The following TECTA variants were observed in gnomAD, a reference collection of about 807,000 sequenced individuals.
TECTA encodes alpha-tectorin.
A neutral mutation model predicts 216.8 loss-of-function variants in TECTA; 128 were observed. The observed-to-expected ratio is 0.59, with a 90% CI of 0.51 to 0.68. The LOEUF (loss-of-function observed/expected upper bound fraction) is 0.68, where lower values mean the gene tolerates loss of function less well. Ranked by LOEUF, TECTA falls within the 30% of genes least tolerant of loss-of-function variation. The pLI, the probability that TECTA is intolerant of heterozygous loss-of-function variation, is 0.00. For missense variants in TECTA, 2,551 were observed against 2,786.2 expected (o/e 0.92, Z 1.90); for synonymous variants, 1,089 against 1,117.1 (o/e 0.97, Z 0.50).
chr11:121,116,637 C>G (rs780915582), intron 6 of TECTA, among the ~76,000 whole-genome samples: 9 of 152,214 alleles, frequency 5.9e-5, no homozygotes, highest in Admixed American at 2.6e-4. Context: ...ATATATCAAT[C>G]TAATGAGACT....
intron 11 of TECTA, among the ~76,000 whole-genome samples, chr11:121,138,643 C>G (rs1332424678): frequency 2.6e-5 from 4 of 152,194 alleles, no homozygotes; most frequent in Non-Finnish European, 5.9e-5. Flanking sequence ...AGCTTCCCAC[C>G]CTTTTCACCC....
intron 20 of TECTA, among the ~76,000 whole-genome samples, chr11:121,172,581 T>C (rs1441394617): frequency 3.9e-5 from 6 of 152,138 alleles, no homozygotes; most frequent in Non-Finnish European, 7.4e-5. Context: ...CTTAATCCAG[T>C]CTATCATTGT....
At position 121,130,094 on chromosome 11, in the gene TECTA, C is replaced by G. The variant is rs146611460; in HGVS notation, c.2824C>G (p.Arg942Gly). 6.2e-7 allele frequency: 1 copy of G among 1,613,792 alleles called. No homozygotes were observed. Residue 942 changes from arginine (R) to glycine (G), a missense_variant, in exon 10 of 24, where the codon CGC (arginine) becomes GGC (glycine). Physicochemically the swap from Arg to Gly is moderately radical, Grantham distance 125 (BLOSUM62 -2). Coordinates refer to ENST00000392793, the MANE Select transcript of TECTA (RefSeq NM_005422.4). ...TGCCTATTACCGCACCTGCCTTTTC[C>G]GCCTGTGCCAGAGTGGGGGCAATGA... ...VTAYYRTCLF[R>G]LCQSGGNESE...
rs540877365 is a variant in TECTA, at chr11:121,104,525, G to A, written c.65-1306G>A. On this transcript the variant is annotated intron_variant, in intron 2 of 23. Coordinates refer to ENST00000392793, the MANE Select transcript of TECTA (RefSeq NM_005422.4). ...GGAAAGAAATTAGCCCTCCGTTGAG[G>A]CATAACTCCTCTTGCTCCCTGCTTC... Among the ~76,000 whole-genome samples the A allele has an allele frequency of 7.2e-5, 11 of 152,220 alleles. No individual in the cohort carries two copies. The South Asian group carries it at 1.0e-3, about 14-fold the overall frequency.
rs141203939 is a variant in TECTA, at chr11:121,190,740, G to A, written c.6402G>A (p.Thr2134=). ...SNSSMELQVW[T]LLLIMIQISL... is the part of the protein sequence containing the mutation. ...CTTCAATGGAACTTCAAGTCTGGAC[G>A]CTTCTTCTCATCATGATCCAGATTT... Residue 2134 remains threonine (T), a synonymous_variant, in exon 24 of 24, where the codon ACG becomes ACA. Transcript: ENST00000392793. 263 of 1,613,698 alleles carry A rather than the reference G, an allele frequency of 1.6e-4. No individual in the cohort carries two copies. The highest frequency in any genetic ancestry group is 3.5e-4 in the African/African-American group (26 of 74,868).
chr11:121,184,579 G>C (rs115404732), intron 20 of TECTA, among the ~76,000 whole-genome samples: 3,256 of 152,162 alleles, frequency 0.021, 115 homozygotes, highest in African/African-American at 0.075. Context: ...GAGAAGAAGG[G>C]TGTGGTTCTG....
At position 121,127,873 on chromosome 11, in the gene TECTA, G is replaced by A; in HGVS notation, c.1896G>A (p.Glu632=). Residue 632 remains glutamate (E), a synonymous_variant, in exon 9 of 24, where the codon GAG becomes GAA. Coordinates refer to ENST00000392793, the MANE Select transcript of TECTA (RefSeq NM_005422.4). This position sits in a 1 kb window ranked among gnomAD's most constrained non-coding sequence, Gnocchi z 5.0. ...NCATPCTEGC[E]CNQGFVLSTS... ...CCACGCCGTGCACAGAGGGCTGCGA[G>A]TGCAACCAGGGCTTCGTCCTCAGCA... The A allele has an allele frequency of 6.2e-7, 1 of 1,614,086 alleles. No individual in the cohort carries two copies. Among genetic ancestry groups the A allele is most frequent in the South Asian group, 1.1e-5 (1 of 91,078 alleles).
rs201271587 is a variant in TECTA at position 121,129,790 on chromosome 11, A to G, written c.2520A>G (p.Thr840=). ...IGLLYIRLST[T]YFNCTGGLCG... ...TATTGTACATCCGGCTGTCCACCAC[A>G]TACTTCAATTGCACAGGGGGCTTGT... The change falls in exon 10 of 24, where the codon ACA becomes ACG. Residue 840 remains threonine, a synonymous_variant. Coordinates refer to ENST00000392793, the MANE Select transcript of TECTA (RefSeq NM_005422.4). The G allele has an allele frequency of 3.7e-6, 6 of 1,614,224 alleles. No individual in the cohort carries two copies. Among genetic ancestry groups the G allele is most frequent in the Non-Finnish European group, 5.1e-6 (6 of 1,180,042 alleles).
At chr11:121,170,474 C>A (rs1947100629) in intron 20 of TECTA, among the ~76,000 whole-genome samples, 1 of 151,674 alleles carries the variant, frequency 6.6e-6, no homozygotes, top group African/African-American at 2.4e-5. Flanking sequence ...TTTTGTTTTG[C>A]ATGTGTGTGT....
In TECTA at chr11:121,161,499, T is replaced by C. The variant is rs537185727; in HGVS notation, c.4977-576T>C. Reference sequence around the variant, plus strand: ...TTCCTCCTGAGGAATTATGATTCTGTTTGGATTTGGCCGGCCTGCCTCCCT... The same window carrying C: ...TTCCTCCTGAGGAATTATGATTCTGCTTGGATTTGGCCGGCCTGCCTCCCT... On this transcript the variant is annotated intron_variant, in intron 15 of 23. Coordinates refer to ENST00000392793, the MANE Select transcript of TECTA (RefSeq NM_005422.4). Among the ~76,000 whole-genome samples, 13 of 123,586 alleles carry C rather than the reference T, an allele frequency of 1.1e-4. No homozygotes were observed. In the South Asian group the frequency reaches 3.6e-3, roughly 34 times the overall value. The allele number at this position is 123,586 out of a possible 152,430, so 81.1% of individuals were successfully genotyped here.
rs1274455171 is a variant in TECTA at position 121,125,608 on chromosome 11, G to A, written c.1510G>A (p.Val504Ile). Residue 504 changes from valine (V) to isoleucine (I), a missense_variant, in exon 8 of 24, where the codon GTC becomes ATC. This residue lies in a region of TECTA where 2,375 missense variants were observed against 2,563.9 expected (regional missense o/e 0.93). Coordinates refer to ENST00000392793, the MANE Select transcript of TECTA (RefSeq NM_005422.4). Reference sequence around the variant, plus strand: ...AGACTGGAAGTGCGACTCCGGCTGCGTCGACAACTGCACCCAGTGCGACGC... The same window carrying A: ...AGACTGGAAGTGCGACTCCGGCTGCATCGACAACTGCACCCAGTGCGACGC... ...HADWKCDSGC[V>I]DNCTQCDAAT... 9 of 1,613,710 alleles carry A rather than the reference G, an allele frequency of 5.6e-6. No homozygotes were observed. Among genetic ancestry groups the A allele is most frequent in the Middle Eastern group, 1.6e-4 (1 of 6,084 alleles).
At chr11:121,129,617 A>G (rs759528350) in intron 9 of TECTA, 21 bp from the exon 10 acceptor site, 8 of 1,612,840 alleles carry the variant, frequency 5.0e-6, no homozygotes, top group Non-Finnish European at 6.8e-6. Flanking sequence ...TGGAATTGAT[A>G]AGAATGACTT....
chr11:121,144,075 A>T (rs1056683462), intron 11 of TECTA, among the ~76,000 whole-genome samples: 1 of 152,124 alleles, frequency 6.6e-6, no homozygotes, highest in Non-Finnish European at 1.5e-5. Context: ...CATCCTTCAC[A>T]CTCACGGCAC....
At chr11:121,187,592 T>C (rs1460943357) in intron 20 of TECTA, among the ~76,000 whole-genome samples, 2 of 152,218 alleles carry the variant, frequency 1.3e-5, no homozygotes, top group African/African-American at 2.4e-5. Context: ...GTTTTGTTTT[T>C]AGTTGCAGTT....
intron 11 of TECTA, among the ~76,000 whole-genome samples, chr11:121,145,185 C>T (rs1023023731): frequency 1.3e-5 from 2 of 152,118 alleles, no homozygotes; most frequent in African/African-American, 4.8e-5. Flanking sequence ...AAAATAAATT[C>T]CATGGTAGAG....
rs993003007 is a variant in TECTA, at chr11:121,113,361, T to C, written c.624+152T>C. 6.7e-6 allele frequency: 10 copies of C among 1,488,314 alleles called. No homozygotes were observed. In the African/African-American group the frequency reaches 1.4e-4, roughly 21 times the overall value. The allele number at this position is 1,488,314 out of a possible 1,614,324, so 92.2% of individuals were successfully genotyped here. A position where few individuals can be genotyped will look rare whatever the true frequency, so the allele number is the denominator to read the frequency against. On this transcript the variant is annotated intron_variant, in intron 5 of 23. Coordinates refer to ENST00000392793, the MANE Select transcript of TECTA (RefSeq NM_005422.4). This position sits in a 1 kb window ranked among gnomAD's most constrained non-coding sequence, Gnocchi z 4.2. ...TGGACTACGAGGCTAGTCCTGCCCA[T>C]GTTTGGCACCCTGACTCGGCTATGA...
At chr11:121,179,947 ATT>A (rs947349131) in intron 20 of TECTA, among the ~76,000 whole-genome samples, 3 of 137,812 alleles carry the variant, frequency 2.2e-5, no homozygotes, top group Admixed American at 2.2e-4. Context: ...GGCAGCATAT[ATT>A]TGAGTTTTTT....
At chr11:121,144,081 G>A (rs190991086) in intron 11 of TECTA, among the ~76,000 whole-genome samples, 32 of 152,266 alleles carry the variant, frequency 2.1e-4, no homozygotes, top group Non-Finnish European at 2.9e-4. Flanking sequence ...TCACACTCAC[G>A]GCACAGGAAA....
chr11:121,119,987 A>G (rs1217474823), intron 7 of TECTA, among the ~76,000 whole-genome samples: 1 of 152,244 alleles, frequency 6.6e-6, no homozygotes, highest in Non-Finnish European at 1.5e-5. Context: ...GTTGAGCACT[A>G]TACTTATCCT....
Sources: gnomAD v4.1 joint callset for allele counts (sites outside exome capture counted in the v4.1 genomes callset) on GRCh38, gnomAD v4.1.1 for gene constraint, gnomAD v4.1.1 regional missense constraint, Gnocchi (gnomAD v3.1) non-coding constraint, MANE v1.5 for transcripts, NCBI Gene and HGNC (gene_info 2026-07-23, HGNC 2026-07-21) for gene names.